SNTG2: variants seen among roughly 807,000 people sequenced by gnomAD.
SNTG2 encodes the protein gamma-2-syntrophin.
Under a neutral mutation model 70.9 loss-of-function variants are expected in SNTG2, and 74 were observed. The observed-to-expected ratio is 1.04, with a 90% CI of 0.86 to 1.27. The LOEUF is 1.27. SNTG2 is among the 50% of genes most tolerant of loss of function. The probability of loss-of-function intolerance (pLI) is 0.00; values close to 1 mark genes in which losing one functional copy is unlikely to be tolerated. For synonymous variants in SNTG2, 278 were observed against 273.8 expected (o/e 1.02, Z -0.15); for missense variants, 717 against 690.7 (o/e 1.04, Z -0.43).
intron 1 of SNTG2, among the ~76,000 whole-genome samples, chr2:1,042,083 G>A (rs995239354): frequency 1.3e-5 from 2 of 152,202 alleles, no homozygotes; most frequent in African/African-American, 4.8e-5. Flanking sequence ...TGAAACATCT[G>A]TTGTATGATA....
At chr2:1,349,098 G>A (rs957384165) in intron 16 of SNTG2, among the ~76,000 whole-genome samples, 8 of 152,284 alleles carry the variant, frequency 5.3e-5, no homozygotes, top group East Asian at 3.9e-4. Flanking sequence ...ATAGTCTTCC[G>A]GCAAGGGGTT....
chr2:1,359,493 C>T (rs555888357), intron 16 of SNTG2, among the ~76,000 whole-genome samples: 1 of 152,266 alleles, frequency 6.6e-6, no homozygotes, highest in African/African-American at 2.4e-5. Flanking sequence ...AGTACAGCCA[C>T]CCTGCCCTTT....
chr2:1,133,895 A>C (rs1423859112), intron 4 of SNTG2, among the ~76,000 whole-genome samples: 1 of 151,406 alleles, frequency 6.6e-6, no homozygotes, highest in African/African-American at 2.4e-5. Flanking sequence ...ACTGACTTCA[A>C]GAATGAAGCC....
At chr2:977,679 C>T (rs909947368) in intron 1 of SNTG2, among the ~76,000 whole-genome samples, 2 of 152,166 alleles carry the variant, frequency 1.3e-5, no homozygotes, top group African/African-American at 2.4e-5. Context: ...GACAGCTACT[C>T]ATTGCTTCTA....
intron 14 of SNTG2, among the ~76,000 whole-genome samples, chr2:1,299,743 G>A (rs1680368146): frequency 6.6e-6 from 1 of 152,204 alleles, no homozygotes; most frequent in Admixed American, 6.5e-5. Flanking sequence ...GAGGAGTCAG[G>A]ACACAGGGAC....
At chr2:1,077,126 T>C (rs1033571878) in intron 1 of SNTG2, among the ~76,000 whole-genome samples, 1 of 152,110 alleles carries the variant, frequency 6.6e-6, no homozygotes, top group African/African-American at 2.4e-5. Flanking sequence ...ATGAAAGGTG[T>C]GAAATGAACA....
At chr2:1,294,308 A>G (rs1180683869) in intron 14 of SNTG2, among the ~76,000 whole-genome samples, 1 of 152,022 alleles carries the variant, frequency 6.6e-6, no homozygotes, top group South Asian at 2.1e-4. Flanking sequence ...ACAGACCCCA[A>G]CCCTCAGGTC....
intron 14 of SNTG2, among the ~76,000 whole-genome samples, chr2:1,276,722 T>C (rs1485563454): frequency 6.6e-6 from 1 of 152,170 alleles, no homozygotes; most frequent in East Asian, 1.9e-4. Flanking sequence ...AAGAAATACA[T>C]CTCATAAGGT....
intron 1 of SNTG2, among the ~76,000 whole-genome samples, chr2:1,081,458 CT>C (rs1664290803): frequency 6.6e-6 from 1 of 152,234 alleles, no homozygotes; most frequent in South Asian, 2.1e-4. Context: ...TGGGGAAATA[CT>C]GAGGAGGGTC....
At position 1,165,328 on chromosome 2, in the gene SNTG2, T is replaced by C. The variant is rs78639751; in HGVS notation, c.412-220T>C. Among the ~76,000 whole-genome samples, 1,495 of 152,134 alleles carry C rather than the reference T, an allele frequency of 9.8e-3. 26 individuals are homozygous for C. The highest frequency in any genetic ancestry group is 0.033 in the African/African-American group (1,369 of 41,490). On this transcript the variant is annotated intron_variant, in intron 6 of 16. Coordinates refer to ENST00000308624, the MANE Select transcript of SNTG2 (RefSeq NM_018968.4). ...ATACGGGCAGACCCCTGCTCACTCA[T>C]GCACTTGTTTACGCAGATAGAGTGT... is the stretch of plus-strand genomic sequence containing the variant.
chr2:1,177,977 A>G (rs1306378631), intron 8 of SNTG2, among the ~76,000 whole-genome samples: 2 of 152,188 alleles, frequency 1.3e-5, no homozygotes, highest in African/African-American at 2.4e-5. Flanking sequence ...AACACTTATC[A>G]TTTTGTTGTT....
chr2:1,008,099 C>T (rs1659624422), intron 1 of SNTG2, among the ~76,000 whole-genome samples: 1 of 152,128 alleles, frequency 6.6e-6, no homozygotes, highest in African/African-American at 2.4e-5. Flanking sequence ...CCTTACTGAT[C>T]TTGGCATTTA....
intron 11 of SNTG2, among the ~76,000 whole-genome samples, chr2:1,244,258 C>G (rs1416072633): frequency 6.6e-6 from 1 of 152,164 alleles, no homozygotes; most frequent in Admixed American, 6.5e-5. Flanking sequence ...GCCATTCGCT[C>G]GTTTTTTGTT....
At chr2:1,259,990 G>A (rs946776637) in intron 13 of SNTG2, among the ~76,000 whole-genome samples, 5 of 152,216 alleles carry the variant, frequency 3.3e-5, no homozygotes, top group Non-Finnish European at 5.9e-5. Flanking sequence ...GCAAGGCGAC[G>A]ATGCGCTCAC....
At chr2:1,117,761 C>T (rs895012739) in intron 4 of SNTG2, among the ~76,000 whole-genome samples, 3 of 152,216 alleles carry the variant, frequency 2.0e-5, no homozygotes, top group African/African-American at 7.2e-5. Context: ...GGGCCCCAGG[C>T]TGCGCTGGCA....
intron 9 of SNTG2, among the ~76,000 whole-genome samples, chr2:1,218,406 T>C (rs1189812225): frequency 1.3e-5 from 2 of 152,208 alleles, no homozygotes; most frequent in African/African-American, 2.4e-5. Flanking sequence ...CTCTAGTGTC[T>C]CAACCTCTGT....
At chr2:1,346,398 A>T (rs1660275459) in intron 16 of SNTG2, 1 of 152,260 alleles carries the variant, frequency 6.6e-6, no homozygotes, top group Non-Finnish European at 1.5e-5. Context: ...TGCACAGCTG[A>T]TTGTGGTCTC....
chr2:1,032,886 A>G (rs1660917028), intron 1 of SNTG2, among the ~76,000 whole-genome samples: 1 of 152,182 alleles, frequency 6.6e-6, no homozygotes, highest in East Asian at 1.9e-4. Flanking sequence ...TCACAGTTCT[A>G]CAGGTTGTGC....
At chr2:1,057,011 C>T (rs1340766055) in intron 1 of SNTG2, among the ~76,000 whole-genome samples, 2 of 150,814 alleles carry the variant, frequency 1.3e-5, no homozygotes, top group East Asian at 2.0e-4. Context: ...GAGAGGGCGG[C>T]GCAGCGCTGT....
Sources: gnomAD v4.1 joint callset for allele counts (sites outside exome capture counted in the v4.1 genomes callset) on GRCh38, gnomAD v4.1.1 for gene constraint, MANE v1.5 for transcripts, NCBI Gene and HGNC (gene_info 2026-07-23, HGNC 2026-07-21) for gene names.